The following PLEKHG6 variants were observed in gnomAD, a reference collection of about 807,000 sequenced individuals.
PLEKHG6 encodes pleckstrin homology domain-containing family G member 6.
PLEKHG6 carries 91 observed loss-of-function variants against 97.5 expected under a neutral mutation model. The ratio of observed to expected loss-of-function variants is 0.93; its 90% CI spans 0.79 to 1.11. PLEKHG6 has a LOEUF of 1.11. Among genes scored for constraint, PLEKHG6 ranks in the 50% most tolerant of loss-of-function variants. PLEKHG6 has a pLI of 0.00. For missense variants in PLEKHG6, 1,044 were observed against 1,031.0 expected (o/e 1.01, Z -0.17); for synonymous variants, 466 against 425.5 (o/e 1.10, Z -1.17).
intron 7 of PLEKHG6, 105 bp from the exon 8 acceptor site, chr12:6,317,198 C>G: frequency 2.8e-6 from 2 of 714,468 alleles, no homozygotes; most frequent in East Asian, 2.6e-5. Flanking sequence ...GGGCTAAGGG[C>G]CCCTGCGAGG....
intron 2 of PLEKHG6, 127 bp from the exon 3 acceptor site, chr12:6,313,502 A>C: frequency 8.9e-7 from 1 of 1,125,160 alleles, no homozygotes. Context: ...TTGCAGGGAG[A>C]AGTGAGCCAG....
Position 6,316,452 on chromosome 12 carries a change from C to T in PLEKHG6, c.756+48C>T. 6.6e-7 allele frequency: 1 copy of T among 1,505,140 alleles called. No homozygotes were observed. The highest frequency in any genetic ancestry group is 8.9e-7 in the Non-Finnish European group (1 of 1,118,576). The allele number at this position is 1,505,140 out of a possible 1,614,324, so 93.2% of individuals were successfully genotyped here. A position where few individuals can be genotyped will look rare whatever the true frequency, so the allele number is the denominator to read the frequency against. On this transcript the variant is annotated intron_variant, in intron 7 of 15. Coordinates refer to ENST00000684764, the MANE Select transcript of PLEKHG6 (RefSeq NM_001384598.1). This position sits in a 1 kb window ranked among gnomAD's most constrained non-coding sequence, Gnocchi z 4.1. ...TCTGGATGGGGCAGGACTCGGAGCC[C>T]TCGGGGGTCCTGTGTGTAGGGCATG...
chr12:6,318,837 C>T lies in PLEKHG6; in HGVS notation c.1368C>T (p.Leu456=). The T allele has an allele frequency of 3.1e-6, 5 of 1,614,256 alleles. No homozygotes were observed. Among genetic ancestry groups the T allele is most frequent in the Non-Finnish European group, 4.2e-6 (5 of 1,180,046 alleles). ...AAGCCAAGGTCATCCGACCCCCTCT[C>T]ATGCTGGAGAAGCTCGTGTGCCAAC... is the stretch of plus-strand genomic sequence containing the variant. ...ADKAKVIRPP[L]MLEKLVCQPL... The change falls in exon 12 of 16, where the codon CTC becomes CTT. Residue 456 remains leucine, a synonymous_variant. Transcript: ENST00000684764.
At chr12:6,324,639 C>T (rs949382486) in intron 13 of PLEKHG6, among the ~76,000 whole-genome samples, 9 of 152,188 alleles carry the variant, frequency 5.9e-5, no homozygotes, top group South Asian at 2.1e-4. Context: ...TCCCCTGCTC[C>T]GGCCAACAGA....
In PLEKHG6 at chr12:6,324,505, C is replaced by T. The variant is rs1028119575; in HGVS notation, c.1525-1923C>T. 2.0e-5 allele frequency among the ~76,000 whole-genome samples: 3 copies of T among 152,092 alleles called. No individual in the cohort carries two copies. The East Asian group carries it at 5.8e-4, about 29-fold the overall frequency. On this transcript the variant is annotated intron_variant, in intron 13 of 15. Coordinates refer to ENST00000684764, the MANE Select transcript of PLEKHG6 (RefSeq NM_001384598.1). The stretch of plus-strand genomic sequence containing the variant: ...CAGCAGGACAAGCAGATCGGCCCAG[C>T]GCCTCCACCCTCTCTTTTCTCACTT...
Position 6,318,871 on chromosome 12 carries a change from G to C in PLEKHG6, c.1402G>C (p.Asp468His). 1.2e-6 allele frequency: 2 copies of C among 1,614,240 alleles called. No homozygotes were observed. Among genetic ancestry groups the C allele is most frequent in the Middle Eastern group, 1.6e-4 (1 of 6,062 alleles). The change falls in exon 12 of 16, where the codon GAC (aspartate) becomes CAC (histidine). Residue 468 changes from aspartate to histidine, a missense_variant. Coordinates refer to ENST00000684764, the MANE Select transcript of PLEKHG6 (RefSeq NM_001384598.1). ...LEKLVCQPLR[D>H]PNSFLLIHLT... ...GAAGCTCGTGTGCCAACCCCTGCGAGACCCCAGTACGTCCTTCCTTCAGGG... is the reference window on the plus strand; with the variant it reads ...GAAGCTCGTGTGCCAACCCCTGCGACACCCCAGTACGTCCTTCCTTCAGGG...
At position 6,316,108 on chromosome 12, in the gene PLEKHG6, C is replaced by T. The variant is rs934019084; in HGVS notation, c.607-147C>T. Reference sequence around the variant, plus strand: ...GCCCCCCATTTCTCAGACTGACATCCTTGAGATCTTCCAGGCCCAGTGCCC... The same window carrying T: ...GCCCCCCATTTCTCAGACTGACATCTTTGAGATCTTCCAGGCCCAGTGCCC... On this transcript the variant is annotated intron_variant, in intron 6 of 15. Transcript: ENST00000684764. This position sits in a 1 kb window ranked among gnomAD's most constrained non-coding sequence, Gnocchi z 4.1. The T allele has an allele frequency of 5.4e-6, 5 of 923,670 alleles. No individual in the cohort carries two copies. In the African/African-American group the frequency reaches 6.7e-5, roughly 12 times the overall value. 57.2% of individuals were successfully genotyped at this position (923,670 alleles called of 1,614,324 possible).
chr12:6,313,888 G>A lies in PLEKHG6; in HGVS notation c.294+104G>A. 5 of 1,062,360 alleles carry A rather than the reference G, an allele frequency of 4.7e-6. No homozygotes were observed. The South Asian group carries it at 5.0e-5, about 11-fold the overall frequency. The allele number at this position is 1,062,360 out of a possible 1,614,324, so 65.8% of individuals were successfully genotyped here. A position where few individuals can be genotyped will look rare whatever the true frequency, so the allele number is the denominator to read the frequency against. On this transcript the variant is annotated intron_variant, in intron 3 of 15. Transcript: ENST00000684764. ...GGAGCTGAGAACACAGGTCCAGGAGGCTGCTGCCTGCCAGTCAGACATGGC... is the reference window on the plus strand; with the variant it reads ...GGAGCTGAGAACACAGGTCCAGGAGACTGCTGCCTGCCAGTCAGACATGGC...
rs761335679 is a variant in PLEKHG6, at chr12:6,327,468, A to G, written c.1885A>G (p.Ile629Val). 6 of 1,612,432 alleles carry G rather than the reference A, an allele frequency of 3.7e-6. No individual in the cohort carries two copies. In the South Asian group the frequency reaches 5.5e-5, roughly 15 times the overall value. The change falls in exon 15 of 16, where the codon ATC becomes GTC. Residue 629 changes from isoleucine (I) to valine (V), a missense_variant. Transcript: ENST00000684764. ...CTTCTCCACCCTGGAACTCCGGGACATCCCTCTGCGTCCCCACCCTCCCGA... is the reference window on the plus strand; with the variant it reads ...CTTCTCCACCCTGGAACTCCGGGACGTCCCTCTGCGTCCCCACCCTCCCGA... ...LTFSTLELRDIPLRPHPPDPQ... is the reference protein window; with the variant it reads ...LTFSTLELRDVPLRPHPPDPQ...
rs1485063276 is a variant in PLEKHG6 at position 6,316,747 on chromosome 12, A to C, written c.756+343A>C. On this transcript the variant is annotated intron_variant, in intron 7 of 15. Transcript: ENST00000684764. This position sits in a 1 kb window ranked among gnomAD's most constrained non-coding sequence, Gnocchi z 4.1. ...CTGGGTGGGTGTAAAAGGCCACAGG[A>C]GGCACCCGGGGCACGGAGAAGAGTG... 1.3e-5 allele frequency among the ~76,000 whole-genome samples: 2 copies of C among 152,138 alleles called. No homozygotes were observed. The highest frequency in any genetic ancestry group is 2.9e-5 in the Non-Finnish European group (2 of 68,032).
intron 3 of PLEKHG6, among the ~76,000 whole-genome samples, chr12:6,314,084 T>C (rs1045876950): frequency 6.6e-6 from 1 of 152,238 alleles, no homozygotes; most frequent in East Asian, 1.9e-4. Flanking sequence ...GTATGCTCTC[T>C]CTATCCTCAG....
Position 6,316,290 on chromosome 12 carries a change from C to A in PLEKHG6, c.642C>A (p.Ser214Arg). The change falls in exon 7 of 16, where the codon AGC (serine) becomes AGA (arginine). Residue 214 changes from serine to arginine, a missense_variant. Coordinates refer to ENST00000684764, the MANE Select transcript of PLEKHG6 (RefSeq NM_001384598.1). The surrounding 1 kb of genome is among the most constrained non-coding windows in gnomAD (Gnocchi z 4.1). ...SAETLFGNVP[S>R]LIRTHRSFWD... Reference sequence around the variant, plus strand: ...AGACCCTGTTTGGAAATGTCCCCAGCCTGATTCGAACCCACCGGAGCTTTT... The same window carrying A: ...AGACCCTGTTTGGAAATGTCCCCAGACTGATTCGAACCCACCGGAGCTTTT... 1.3e-6 allele frequency: 2 copies of A among 1,555,088 alleles called. No individual in the cohort carries two copies. Among genetic ancestry groups the A allele is most frequent in the Non-Finnish European group, 1.7e-6 (2 of 1,148,428 alleles).
chr12:6,312,795 A>C, intron 2 of PLEKHG6: 5 of 1,220,960 alleles, frequency 4.1e-6, no homozygotes, highest in Non-Finnish European at 5.2e-6. Context: ...GTGGGTAGGG[A>C]CAGGAGGGTG....
chr12:6,316,369 C>G lies in PLEKHG6; in HGVS notation c.721C>G (p.Leu241Val), dbSNP rs1947459649. 6.4e-7 allele frequency: 1 copy of G among 1,570,816 alleles called. No homozygotes were observed. Among genetic ancestry groups the G allele is most frequent in the Non-Finnish European group, 8.6e-7 (1 of 1,157,262 alleles). ...GGAGACTCGGGCCTCGGGCCAGCCT[C>G]TGGACCCCATTGGTCTGCAAAGTGG... ...LEETRASGQP[L>V]DPIGLQSGFL... Residue 241 changes from leucine (L) to valine (V), a missense_variant, in exon 7 of 16, where the codon CTG becomes GTG. Physicochemically the swap from Leu to Val is conservative, Grantham distance 32 (BLOSUM62 1). Coordinates refer to ENST00000684764, the MANE Select transcript of PLEKHG6 (RefSeq NM_001384598.1). This position sits in a 1 kb window ranked among gnomAD's most constrained non-coding sequence, Gnocchi z 4.1.
In PLEKHG6 at chr12:6,316,121, A is replaced by G; in HGVS notation, c.607-134A>G. 1.0e-6 allele frequency: 1 copy of G among 963,442 alleles called. No individual in the cohort carries two copies. 59.7% of individuals were successfully genotyped at this position (963,442 alleles called of 1,614,324 possible). A position where few individuals can be genotyped will look rare whatever the true frequency, so the allele number is the denominator to read the frequency against. ...CAGACTGACATCCTTGAGATCTTCC[A>G]GGCCCAGTGCCCAGTTCATCCTTCT... On this transcript the variant is annotated intron_variant, in intron 6 of 15. Transcript: ENST00000684764. The surrounding 1 kb of genome is among the most constrained non-coding windows in gnomAD (Gnocchi z 4.1).
chr12:6,318,002 G>A lies in PLEKHG6; in HGVS notation c.1155+8G>A. The A allele has an allele frequency of 6.3e-7, 1 of 1,584,848 alleles. No individual in the cohort carries two copies. Among genetic ancestry groups the A allele is most frequent in the Non-Finnish European group, 8.6e-7 (1 of 1,164,944 alleles). ...AGTGATGAGGTGGAGAAGGTGAGAG[G>A]GCAAAGGGAAGGGACCCAGGAAAAG... On this transcript the variant is annotated splice_region_variant and intron_variant, in intron 10 of 15. Coordinates refer to ENST00000684764, the MANE Select transcript of PLEKHG6 (RefSeq NM_001384598.1).
chr12:6,314,735 C>A (rs1947393306), intron 3 of PLEKHG6, among the ~76,000 whole-genome samples: 1 of 152,096 alleles, frequency 6.6e-6, no homozygotes, highest in Non-Finnish European at 1.5e-5. Flanking sequence ...CTAGATCAGA[C>A]CCCTCTCCAG....
rs373575546 is a variant in PLEKHG6 at position 6,327,423 on chromosome 12, C to T, written c.1840C>T (p.Arg614Trp). ...PLSRLRQRAL[R>W]RDPRLTFSTL... ...GAGCCGTCTACGCCAAAGAGCCCTT[C>T]GGCGGGACCCTCGCCTCACCTTCTC... Residue 614 changes from arginine to tryptophan, a missense_variant, in exon 15 of 16, where the codon CGG becomes TGG. Arg to Trp is a moderately radical substitution (Grantham distance 101). Coordinates refer to ENST00000684764, the MANE Select transcript of PLEKHG6 (RefSeq NM_001384598.1). The T allele has an allele frequency of 6.3e-5, 102 of 1,614,052 alleles. No homozygotes were observed. The highest frequency in any genetic ancestry group is 1.7e-4 in the Middle Eastern group (1 of 6,060).
At position 6,315,572 on chromosome 12, in the gene PLEKHG6, T is replaced by C. The variant is rs142796227; in HGVS notation, c.478T>C (p.Cys160Arg). The C allele has an allele frequency of 6.3e-7, 1 of 1,576,734 alleles. No individual in the cohort carries two copies. Among genetic ancestry groups the C allele is most frequent in the Non-Finnish European group, 8.7e-7 (1 of 1,152,878 alleles). Residue 160 changes from cysteine (C) to arginine (R), a missense_variant, in exon 5 of 16, where the codon TGC (cysteine) becomes CGC (arginine). Cys to Arg is a radical substitution (Grantham distance 180). Coordinates refer to ENST00000684764, the MANE Select transcript of PLEKHG6 (RefSeq NM_001384598.1). The surrounding 1 kb of genome is among the most constrained non-coding windows in gnomAD (Gnocchi z 4.5). ...PGHKEMSQEL[C>R]HQQEALWELL... ...ACCCCAGGAGATGAGCCAGGAGCTC[T>C]GCCACCAACAGGAGGCCCTGTGGGA...
Sources: allele counts gnomAD v4.1 joint callset (sites outside exome capture counted in the v4.1 genomes callset), GRCh38; gene constraint gnomAD v4.1.1; non-coding constraint Gnocchi (gnomAD v3.1); transcripts MANE v1.5; gene names NCBI Gene and HGNC (gene_info 2026-07-23, HGNC 2026-07-21).